EPS15: variants seen among roughly 807,000 people sequenced by gnomAD.
The protein encoded by EPS15 is epidermal growth factor receptor pathway substrate 15, also known as epidermal growth factor receptor substrate 15.
In EPS15, 72 loss-of-function variants were observed where a neutral mutation model predicts 113.8. The ratio of observed to expected loss-of-function variants is 0.63; its 90% CI spans 0.52 to 0.77. The LOEUF is 0.77. Ranked by LOEUF, EPS15 falls within the 30% of genes least tolerant of loss-of-function variation. The pLI is 0.00. For synonymous variants in EPS15, 344 were observed against 363.4 expected (o/e 0.95, Z 0.61); for missense variants, 1,048 against 1,045.8 (o/e 1.00, Z -0.03).
At chr1:51,515,481 CAAA>C in intron 1 of EPS15, among the ~76,000 whole-genome samples, 1 of 115,468 alleles carries the variant, frequency 8.7e-6, no homozygotes, top group Non-Finnish European at 2.0e-5. Context: ...CAAAACAAAA[CAAA>C]AAAAAAAAAA....
rs887872541 is a variant in EPS15, at chr1:51,354,886, A to G, written c.*1814T>C. 4.9e-6 allele frequency: 1 copy of G among 202,818 alleles called. No individual in the cohort carries two copies. The highest frequency in any genetic ancestry group is 1.0e-5 in the Non-Finnish European group (1 of 98,526). 12.6% of individuals were successfully genotyped at this position (202,818 alleles called of 1,614,324 possible). On this transcript the variant is annotated 3_prime_UTR_variant, in exon 25 of 25. Coordinates refer to ENST00000371733, the MANE Select transcript of EPS15 (RefSeq NM_001981.3). ...TGAGTTTAATTGAAAATTTTTTTGA[A>G]GCATTTAAACATTTGCTTATTTTCC... is the stretch of plus-strand genomic sequence containing the variant.
chr1:51,454,206 T>C (rs1653807771), intron 8 of EPS15, among the ~76,000 whole-genome samples: 1 of 152,174 alleles, frequency 6.6e-6, no homozygotes, highest in African/African-American at 2.4e-5. Context: ...CCAAAAACTC[T>C]TCACATAATG....
intron 1 of EPS15, among the ~76,000 whole-genome samples, chr1:51,507,816 G>A (rs975241866): frequency 3.4e-4 from 51 of 152,080 alleles, no homozygotes; most frequent in African/African-American, 1.1e-3. Context: ...TGTGGATGGT[G>A]ATCTATCTTC....
rs114575640 is a variant in EPS15 at position 51,372,834 on chromosome 1, A to G, written c.2120-6805T>C. 3.0e-4 allele frequency: 166 copies of G among 553,852 alleles called. 1 individual carries two copies. In the African/African-American group the frequency reaches 3.1e-3, roughly 10 times the overall value. The allele number at this position is 553,852 out of a possible 1,614,324, so 34.3% of individuals were successfully genotyped here. A position where few individuals can be genotyped will look rare whatever the true frequency, so the allele number is the denominator to read the frequency against. On this transcript the variant is annotated intron_variant, in intron 21 of 24. Transcript: ENST00000371733. ...GGACAGTCTTTACCAGCTGATCACAAAGAGGTCCATGGTTTGAGGAGGCTG... is the reference window on the plus strand; with the variant it reads ...GGACAGTCTTTACCAGCTGATCACAGAGAGGTCCATGGTTTGAGGAGGCTG...
At chr1:51,440,487 C>T in intron 11 of EPS15, 55 bp from the exon 12 acceptor site, 1 of 762,306 alleles carries the variant, frequency 1.3e-6, no homozygotes, top group Non-Finnish European at 2.1e-6. Flanking sequence ...TAATATAAGA[C>T]AAAACACTAA....
At chr1:51,409,345 C>A (rs1649465547) in intron 14 of EPS15, among the ~76,000 whole-genome samples, 190 bp downstream of exon 14, 1 of 152,200 alleles carries the variant, frequency 6.6e-6, no homozygotes, top group Admixed American at 6.5e-5. Flanking sequence ...TCATTAACTG[C>A]CCTTCTATTT....
At chr1:51,411,548 G>A (rs1408292524) in intron 13 of EPS15, among the ~76,000 whole-genome samples, 1 of 152,186 alleles carries the variant, frequency 6.6e-6, no homozygotes, top group Non-Finnish European at 1.5e-5. Context: ...TATTGAAGGA[G>A]AAGAAATTTT....
chr1:51,357,055 TAG>T (rs1646233470), intron 24 of EPS15, among the ~76,000 whole-genome samples: 1 of 151,840 alleles, frequency 6.6e-6, no homozygotes, highest in East Asian at 1.9e-4. Flanking sequence ...ATTCAATCTA[TAG>T]ATAGAAAGTC....
At chr1:51,428,883 A>C (rs1476692429) in intron 12 of EPS15, among the ~76,000 whole-genome samples, 2 of 150,608 alleles carry the variant, frequency 1.3e-5, no homozygotes, top group Non-Finnish European at 3.0e-5. Flanking sequence ...ATGGAGCTGT[A>C]TAGGACCAGA....
chr1:51,491,104 G>A (rs1002267085), intron 1 of EPS15, among the ~76,000 whole-genome samples: 1 of 152,072 alleles, frequency 6.6e-6, no homozygotes, highest in Non-Finnish European at 1.5e-5. Flanking sequence ...GGTAGTAAAA[G>A]GAAGACAATG....
chr1:51,414,771 A>G (rs898708625), intron 13 of EPS15, among the ~76,000 whole-genome samples: 5 of 152,220 alleles, frequency 3.3e-5, no homozygotes, highest in Admixed American at 3.3e-4. Context: ...TTTACCTTAA[A>G]AGGGTCACAC....
intron 1 of EPS15, among the ~76,000 whole-genome samples, chr1:51,487,082 C>A (rs1486209903): frequency 6.6e-6 from 1 of 152,090 alleles, no homozygotes; most frequent in Non-Finnish European, 1.5e-5. Flanking sequence ...CAACTAAAAA[C>A]ATTATTGGTT....
At chr1:51,370,049 C>T (rs1646608954) in intron 21 of EPS15, among the ~76,000 whole-genome samples, 1 of 152,182 alleles carries the variant, frequency 6.6e-6, no homozygotes, top group African/African-American at 2.4e-5. Context: ...CAGCTATCTA[C>T]CAGAAATCTT....
At chr1:51,448,216 AATC>A in intron 8 of EPS15, 81 bp from the exon 9 acceptor site, 1 of 776,404 alleles carries the variant, frequency 1.3e-6, no homozygotes, top group Non-Finnish European at 2.0e-6. Flanking sequence ...TTCAATGATA[AATC>A]ATCGTCAGGC....
chr1:51,499,205 C>T (rs1353793885), intron 1 of EPS15, among the ~76,000 whole-genome samples: 2 of 152,216 alleles, frequency 1.3e-5, no homozygotes, highest in Admixed American at 1.3e-4. Context: ...TTTGTTATAG[C>T]AGCAAAAACA....
intron 13 of EPS15, among the ~76,000 whole-genome samples, chr1:51,415,433 C>T (rs530777114): frequency 6.6e-6 from 1 of 152,086 alleles, no homozygotes; most frequent in African/African-American, 2.4e-5. Flanking sequence ...CAAGCTGGAA[C>T]GATGTCCATA....
At position 51,508,257 on chromosome 1, in the gene EPS15, AG is replaced by A. The variant is rs1362292168; in HGVS notation, c.33+10941del. ...AGAAAAGAAAGAGAGAAAGAGAGAGAGAGAGAGAGAGAGAGAAAGAGAGAAA... is the reference window on the plus strand; with the variant it reads ...AGAAAAGAAAGAGAGAAAGAGAGAGAAGAGAGAGAGAGAGAAAGAGAGAAA... On this transcript the variant is annotated intron_variant, in intron 1 of 24. Coordinates refer to ENST00000371733, the MANE Select transcript of EPS15 (RefSeq NM_001981.3). Among the ~76,000 whole-genome samples the A allele has an allele frequency of 1.3e-4, 17 of 134,376 alleles. No homozygotes were observed. In the South Asian group the frequency reaches 1.6e-3, roughly 13 times the overall value. The allele number at this position is 134,376 out of a possible 152,430, so 88.2% of individuals were successfully genotyped here. A position where few individuals can be genotyped will look rare whatever the true frequency, so the allele number is the denominator to read the frequency against.
Position 51,406,034 on chromosome 1 carries a change from G to A in EPS15, c.1548C>T (p.His516=). ...CTGTAGCTCCGTTTACAAGAATGCT[G>A]TGTGGGCTACTGCACCAATTTAACT... ...NSQLNWCSSP[H]SILVNGATDY... The change falls in exon 16 of 25, where the codon CAC becomes CAT. Residue 516 remains histidine (H), a synonymous_variant. Transcript: ENST00000371733. The A allele has an allele frequency of 6.2e-7, 1 of 1,614,176 alleles. No homozygotes were observed. The highest frequency in any genetic ancestry group is 8.5e-7 in the Non-Finnish European group (1 of 1,179,998).
At chr1:51,377,360 A>G (rs868496482) in intron 21 of EPS15, among the ~76,000 whole-genome samples, 5 of 152,232 alleles carry the variant, frequency 3.3e-5, no homozygotes, top group Admixed American at 1.3e-4. Context: ...ACCGTCATGT[A>G]TTACTGATGG....
Sources: allele counts gnomAD v4.1 joint callset (sites outside exome capture counted in the v4.1 genomes callset), GRCh38; gene constraint gnomAD v4.1.1; transcripts MANE v1.5; gene names NCBI Gene and HGNC (gene_info 2026-07-23, HGNC 2026-07-21).